Variants in ZBTB7C observed in about 807,000 individuals in gnomAD.
ZBTB7C encodes zinc finger and BTB domain containing 7C.
ZBTB7C carries 8 observed loss-of-function variants against 25.7 expected under a neutral mutation model. That is an observed-to-expected ratio of 0.31 (90% CI 0.18 to 0.56). The LOEUF (loss-of-function observed/expected upper bound fraction) is 0.56, where lower values mean the gene tolerates loss of function less well. ZBTB7C is among the 20% of genes least tolerant of loss of function. ZBTB7C has a pLI of 0.91. For synonymous variants in ZBTB7C, 394 were observed against 369.0 expected (o/e 1.07, Z -0.78); for missense variants, 824 against 855.2 (o/e 0.96, Z 0.46).
At chr18:48,380,867 G>A (rs781563297) in intron 1 of ZBTB7C, among the ~76,000 whole-genome samples, 36 of 152,118 alleles carry the variant, frequency 2.4e-4, no homozygotes, top group Admixed American at 3.9e-4. Context: ...AAAGCTCTCT[G>A]AACTACCATC....
chr18:48,390,935 T>G (rs2145259012), intron 1 of ZBTB7C, among the ~76,000 whole-genome samples: 1 of 152,326 alleles, frequency 6.6e-6, no homozygotes, highest in South Asian at 2.1e-4. Context: ...TACCTTCATG[T>G]GCTACAGGGC....
intron 3 of ZBTB7C, among the ~76,000 whole-genome samples, chr18:48,107,571 G>A (rs2039078473): frequency 6.6e-6 from 1 of 152,086 alleles, no homozygotes; most frequent in African/African-American, 2.4e-5. Flanking sequence ...AGATGTTTCT[G>A]GTGATAAGAA....
intron 1 of ZBTB7C, among the ~76,000 whole-genome samples, chr18:48,394,903 T>C (rs2047985282): frequency 6.6e-6 from 1 of 152,188 alleles, no homozygotes. Flanking sequence ...GACGCGTATG[T>C]GTATAAAATC....
At chr18:48,335,374 C>T (rs924894439) in intron 2 of ZBTB7C, among the ~76,000 whole-genome samples, 2 of 152,084 alleles carry the variant, frequency 1.3e-5, no homozygotes, top group African/African-American at 4.8e-5. Context: ...TTTATTAGTT[C>T]CAATTTCAGG....
At chr18:48,122,735 C>T (rs973941128) in intron 3 of ZBTB7C, among the ~76,000 whole-genome samples, 3 of 152,188 alleles carry the variant, frequency 2.0e-5, no homozygotes, top group Non-Finnish European at 2.9e-5. Flanking sequence ...TTTGGGCTTC[C>T]GGGATTCTTG....
chr18:48,367,202 T>TATAC lies in ZBTB7C; in HGVS notation c.-303-28805_-303-28804insGTAT, dbSNP rs1302394192. ...ATATATATATATATATATATATATA[T>TATAC]ACACACACACACACACACACACACA... On this transcript the variant is annotated intron_variant, in intron 1 of 4. Transcript: ENST00000590800. 2.4e-3 allele frequency among the ~76,000 whole-genome samples: 153 copies of TATAC among 63,386 alleles called. 2 individuals carry two copies. The highest frequency in any genetic ancestry group is 0.01 in the East Asian group (28 of 2,674). 41.6% of individuals were successfully genotyped at this position (63,386 alleles called of 152,430 possible). A position where few individuals can be genotyped will look rare whatever the true frequency, so the allele number is the denominator to read the frequency against.
chr18:48,401,227 C>A (rs2048150245), intron 1 of ZBTB7C, among the ~76,000 whole-genome samples: 1 of 152,202 alleles, frequency 6.6e-6, no homozygotes, highest in Non-Finnish European at 1.5e-5. Flanking sequence ...AAAGCCTTAA[C>A]TGTTTTTCAT....
chr18:48,297,385 T>C (rs1257983870), intron 2 of ZBTB7C, among the ~76,000 whole-genome samples: 2 of 152,196 alleles, frequency 1.3e-5, no homozygotes, highest in Non-Finnish European at 2.9e-5. Context: ...TAGAAGTCCC[T>C]GAGGGCCCGT....
At chr18:48,372,695 G>C (rs769861516) in intron 1 of ZBTB7C, among the ~76,000 whole-genome samples, 13 of 152,074 alleles carry the variant, frequency 8.5e-5, no homozygotes, top group Non-Finnish European at 1.6e-4. Context: ...GGCCGTTAAT[G>C]GTCTGCCCAG....
chr18:48,118,656 T>C (rs940313239), intron 3 of ZBTB7C, among the ~76,000 whole-genome samples: 1 of 152,194 alleles, frequency 6.6e-6, no homozygotes, highest in Admixed American at 6.5e-5. Context: ...ACCCAATATA[T>C]AGCTAATGTG....
intron 3 of ZBTB7C, among the ~76,000 whole-genome samples, chr18:48,098,239 C>T (rs1473928086): frequency 6.6e-6 from 1 of 152,144 alleles, no homozygotes; most frequent in East Asian, 1.9e-4. Context: ...ACAGGATGCA[C>T]TCCAGGTGTG....
rs1218694198 is a variant in ZBTB7C at position 48,027,056 on chromosome 18, A to G, written c.*2204T>C. ...CAATCACATAAAAAAAGAGTTATAA[A>G]TAGAAAAAATTCCAAAGTTCTCCCA... On this transcript the variant is annotated 3_prime_UTR_variant, in exon 5 of 5. Coordinates refer to ENST00000590800, the MANE Select transcript of ZBTB7C (RefSeq NM_001318841.2). The G allele has an allele frequency of 6.6e-6, 1 of 151,792 alleles. No homozygotes were observed. The highest frequency in any genetic ancestry group is 6.6e-5 in the Admixed American group (1 of 15,256). 9.4% of individuals were successfully genotyped at this position (151,792 alleles called of 1,614,324 possible).
chr18:48,265,555 A>C (rs1475418140), intron 2 of ZBTB7C, among the ~76,000 whole-genome samples: 1 of 152,204 alleles, frequency 6.6e-6, no homozygotes, highest in African/African-American at 2.4e-5. Flanking sequence ...ATGCAGGCAA[A>C]GCACTGAGCC....
At chr18:48,097,026 G>T (rs2038659524) in intron 3 of ZBTB7C, among the ~76,000 whole-genome samples, 1 of 152,206 alleles carries the variant, frequency 6.6e-6, no homozygotes, top group South Asian at 2.1e-4. Flanking sequence ...GGAATAATTA[G>T]AAAGGAGCTT....
intron 4 of ZBTB7C, among the ~76,000 whole-genome samples, chr18:48,038,939 C>G (rs935639697): frequency 6.6e-6 from 1 of 152,270 alleles, no homozygotes; most frequent in South Asian, 2.1e-4. Context: ...CAGCCTCACA[C>G]CAGGAACCAG....
intron 2 of ZBTB7C, among the ~76,000 whole-genome samples, chr18:48,306,322 C>G (rs2045672555): frequency 6.6e-6 from 1 of 152,172 alleles, no homozygotes; most frequent in Non-Finnish European, 1.5e-5. Context: ...CAGCTACTTC[C>G]TGGAAGAAGG....
chr18:48,124,303 G>T (rs1483354881), intron 3 of ZBTB7C, among the ~76,000 whole-genome samples: 1 of 152,232 alleles, frequency 6.6e-6, no homozygotes, highest in African/African-American at 2.4e-5. Flanking sequence ...AATGTATTAG[G>T]AGACACTGAG....
At chr18:48,373,331 C>T (rs910114384) in intron 1 of ZBTB7C, among the ~76,000 whole-genome samples, 2 of 152,106 alleles carry the variant, frequency 1.3e-5, no homozygotes, top group Non-Finnish European at 2.9e-5. Context: ...TTACCTTCCA[C>T]CATGATGGCA....
intron 1 of ZBTB7C, among the ~76,000 whole-genome samples, chr18:48,394,579 G>T (rs1347900003): frequency 6.6e-6 from 1 of 152,208 alleles, no homozygotes. Flanking sequence ...AACGAAGTCT[G>T]GGAAGTAGGC....
Sources: gnomAD v4.1 joint callset for allele counts (sites outside exome capture counted in the v4.1 genomes callset) on GRCh38, gnomAD v4.1.1 for gene constraint, MANE v1.5 for transcripts, NCBI Gene and HGNC (gene_info 2026-07-23, HGNC 2026-07-21) for gene names.